The following ATM variants were observed in gnomAD, a reference collection of about 807,000 sequenced individuals.
The protein encoded by ATM is ATM serine/threonine kinase, also known as serine-protein kinase ATM.
Under a neutral mutation model 387.0 loss-of-function variants are expected in ATM, and 308 were observed. The ratio of observed to expected loss-of-function variants is 0.80; its 90% CI spans 0.73 to 0.87. The LOEUF (loss-of-function observed/expected upper bound fraction) is 0.87. Among genes scored for constraint, ATM ranks in the 40% least tolerant of loss-of-function variants. The pLI is 0.00. For missense variants in ATM, 3,312 were observed against 3,560.9 expected, an observed-to-expected ratio of 0.93 and a Z score of 1.78; for synonymous variants, 1,156 against 1,187.3, an observed-to-expected ratio of 0.97 and a Z score of 0.54.
intron 45 of ATM, 54 bp from the exon 46 acceptor site, chr11:108,325,249 GTTTTTTT>G (rs11366542): frequency 7.1e-6 from 4 of 566,214 alleles, no homozygotes; most frequent in Non-Finnish European, 5.9e-6. Context: ...AACTTACATA[GTTTTTTT>G]TTTTTTTTTT....
intron 7 of ATM, among the ~76,000 whole-genome samples, chr11:108,246,175 C>T (rs1267813536): frequency 1.3e-5 from 2 of 152,020 alleles, no homozygotes; most frequent in Non-Finnish European, 2.9e-5. Context: ...ATGGGCTCTT[C>T]TAATAAGTAT....
chr11:108,354,566 T>G (rs891659320), intron 60 of ATM, among the ~76,000 whole-genome samples: 1 of 152,238 alleles, frequency 6.6e-6, no homozygotes, highest in African/African-American at 2.4e-5. Context: ...GGTGCATGCC[T>G]GTAATCAATA....
intron 39 of ATM, among the ~76,000 whole-genome samples, 171 bp downstream of exon 39, chr11:108,310,486 C>T (rs973723897): frequency 1.3e-5 from 2 of 151,942 alleles, no homozygotes; most frequent in African/African-American, 4.8e-5. Flanking sequence ...ATATGTAATT[C>T]CTGTTCTGAA....
At chr11:108,278,393 C>A (rs1056562567) in intron 22 of ATM, among the ~76,000 whole-genome samples, 1 of 151,866 alleles carries the variant, frequency 6.6e-6, no homozygotes, top group Non-Finnish European at 1.5e-5. Context: ...TGTAATAAGG[C>A]GGCAGTGTAG....
At chr11:108,238,652 A>G (rs1207477445) in intron 5 of ATM, among the ~76,000 whole-genome samples, 2 of 152,148 alleles carry the variant, frequency 1.3e-5, no homozygotes, top group Non-Finnish European at 2.9e-5. Flanking sequence ...ATCACTTACT[A>G]AATCTAGTAG....
intron 59 of ATM, among the ~76,000 whole-genome samples, chr11:108,348,587 AAAG>A (rs1237573235): frequency 1.3e-5 from 2 of 151,834 alleles, no homozygotes; most frequent in Non-Finnish European, 2.9e-5. Context: ...AATGTAATGT[AAAG>A]AAGTGTGAAT....
intron 31 of ATM, among the ~76,000 whole-genome samples, chr11:108,293,877 CAAA>C (rs33977155): frequency 0.018 from 1,864 of 105,984 alleles, 27 homozygotes; most frequent in African/African-American, 0.058. Context: ...GACCCTGTCT[CAAA>C]AAAAAAAAAA....
rs3218674 is a variant in ATM, at chr11:108,244,860, C to G, written c.735C>G (p.Val245=). ...ALTIFLKTLA[V]NFRIRVCELG... ...CTATCTTCCTCAAGACTTTGGCTGT[C>G]AACTTTCGAATTCGAGTGTGTGAAT... The change falls in exon 7 of 63, where the codon GTC becomes GTG. Residue 245 remains valine, a synonymous_variant. Transcript: ENST00000675843. 2.5e-6 allele frequency: 4 copies of G among 1,613,816 alleles called. No homozygotes were observed. The highest frequency in any genetic ancestry group is 3.4e-6 in the Non-Finnish European group (4 of 1,179,926).
chr11:108,310,320 TG>T lies in ATM; in HGVS notation c.5918+7del, dbSNP rs2136020073. On this transcript the variant is annotated splice_donor_region_variant and intron_variant, in intron 39 of 62. Transcript: ENST00000675843. ...TATGGATGATCAAGAGAAAAGGTAA[TG>T]GAATTTAGAATTTTTGGTTTTTAAA... 6.2e-7 allele frequency: 1 copy of T among 1,612,012 alleles called. No homozygotes were observed. Among genetic ancestry groups the T allele is most frequent in the Non-Finnish European group, 8.5e-7 (1 of 1,178,694 alleles).
chr11:108,353,675 G>T, intron 59 of ATM, 91 bp from the exon 60 acceptor site: 1 of 1,018,962 alleles, frequency 9.8e-7, no homozygotes, highest in Admixed American at 1.7e-5. Flanking sequence ...GGTAACATGT[G>T]GTTTCTTGCC....
Position 108,307,917 on chromosome 11 carries a change from T to C in ATM, c.5695T>C (p.Cys1899Arg), listed in dbSNP as rs373213507. Residue 1899 changes from cysteine to arginine, a missense_variant, in exon 38 of 63, where the codon TGC becomes CGC. Physicochemically the swap from Cys to Arg is radical, Grantham distance 180. Coordinates refer to ENST00000675843, the MANE Select transcript of ATM (RefSeq NM_000051.4). ...GTCAGAGTCAGAGCACTTTTTCCGATGCTGTTTGGATAAAAAATCACAAAG... is the reference window on the plus strand; with the variant it reads ...GTCAGAGTCAGAGCACTTTTTCCGACGCTGTTTGGATAAAAAATCACAAAG... ...LDSESEHFFR[C>R]CLDKKSQRTM... is the part of the protein sequence containing the mutation. 1.9e-6 allele frequency: 3 copies of C among 1,613,812 alleles called. No individual in the cohort carries two copies. Among genetic ancestry groups the C allele is most frequent in the South Asian group, 1.1e-5 (1 of 91,074 alleles).
intron 5 of ATM, among the ~76,000 whole-genome samples, chr11:108,237,242 A>G (rs958997918): frequency 2.0e-5 from 3 of 152,186 alleles, no homozygotes; most frequent in African/African-American, 7.2e-5. Flanking sequence ...AGGGCCCTCA[A>G]CAAGCCTAGA....
intron 56 of ATM, 80 bp from the exon 57 acceptor site, chr11:108,343,137 TTGCAC>T: frequency 6.4e-7 from 1 of 1,557,012 alleles, no homozygotes; most frequent in Middle Eastern, 1.7e-4. Context: ...AAAAAATGCT[TTGCAC>T]TGACTCTGAT....
intron 17 of ATM, 34 bp from the exon 18 acceptor site, chr11:108,268,376 T>A (rs2135521968): frequency 6.3e-7 from 1 of 1,598,964 alleles, no homozygotes; most frequent in Non-Finnish European, 8.6e-7. Context: ...GTTGTGCCCT[T>A]CTCTTAGTGT....
intron 25 of ATM, among the ~76,000 whole-genome samples, 189 bp downstream of exon 25, chr11:108,283,068 T>A (rs2135694442): frequency 6.6e-6 from 1 of 152,340 alleles, no homozygotes; most frequent in Admixed American, 6.5e-5. Flanking sequence ...GGACTTCAGA[T>A]CTGGTCCTAG....
chr11:108,302,799 G>T (rs2083491947), intron 35 of ATM, 54 bp from the exon 36 acceptor site: 2 of 1,496,100 alleles, frequency 1.3e-6, no homozygotes, highest in Non-Finnish European at 1.9e-6. Context: ...GTGTAGGAAA[G>T]GTACAATGAT....
At chr11:108,263,095 G>T (rs201051535) in intron 16 of ATM, among the ~76,000 whole-genome samples, 1 of 151,412 alleles carries the variant, frequency 6.6e-6, no homozygotes, top group East Asian at 1.9e-4. Flanking sequence ...AAGTCAACAA[G>T]TATACCCAGG....
intron 16 of ATM, among the ~76,000 whole-genome samples, chr11:108,259,563 C>T (rs1442169590): frequency 1.3e-5 from 2 of 152,076 alleles, no homozygotes; most frequent in Non-Finnish European, 2.9e-5. Flanking sequence ...TACCTGATTG[C>T]TTCTTAATAT....
At chr11:108,323,816 T>G (rs1385069839) in intron 45 of ATM, among the ~76,000 whole-genome samples, 6 of 152,132 alleles carry the variant, frequency 3.9e-5, no homozygotes, top group Admixed American at 3.9e-4. Context: ...ATGCTTATGC[T>G]CTCAGATTAC....
Sources: gnomAD v4.1 joint callset for allele counts (sites outside exome capture counted in the v4.1 genomes callset) on GRCh38, gnomAD v4.1.1 for gene constraint, MANE v1.5 for transcripts, NCBI Gene and HGNC (gene_info 2026-07-23, HGNC 2026-07-21) for gene names.